Variants in ZNF888 observed in about 807,000 individuals in gnomAD.
ZNF888 encodes the protein CTD-2331H12.6.
A neutral mutation model predicts 7.2 loss-of-function variants in ZNF888; 5 were observed. That is an observed-to-expected ratio of 0.70 (90% CI 0.36 to 1.46). The LOEUF (loss-of-function observed/expected upper bound fraction) is 1.46, where lower values mean the gene tolerates loss of function less well. Ranked by LOEUF, ZNF888 falls within the 40% of genes most tolerant of loss-of-function variation. ZNF888 has a pLI of 0.03. For missense variants in ZNF888, 716 were observed against 858.0 expected (o/e 0.83, Z 2.07); for synonymous variants, 240 against 284.3 (o/e 0.84, Z 1.57).
chr19:52,909,543 G>A (rs1189849347), intron 4 of ZNF888, among the ~76,000 whole-genome samples: 2 of 151,860 alleles, frequency 1.3e-5, no homozygotes, highest in East Asian at 1.9e-4. Flanking sequence ...CACTGCGCCC[G>A]GGGGCACTTT....
chr19:52,907,374 G>A lies in ZNF888; in HGVS notation c.948C>T (p.His316=). Residue 316 remains histidine (H), a synonymous_variant, in exon 5 of 5, where the codon CAC becomes CAT. Coordinates refer to ENST00000638862, the MANE Select transcript of ZNF888 (RefSeq NM_001393938.1). Reference sequence around the variant, plus strand: ...GTTTCTCTCCAGTATGAATTGTCTTGTGAACTAAGAGGGCTGACTTGTCAC... The same window carrying A: ...GTTTCTCTCCAGTATGAATTGTCTTATGAACTAAGAGGGCTGACTTGTCAC... ...TFSDKSALLV[H]KTIHTGEKPY... The A allele has an allele frequency of 1.2e-6, 2 of 1,613,052 alleles. No individual in the cohort carries two copies. The highest frequency in any genetic ancestry group is 1.1e-5 in the South Asian group (1 of 90,942).
intron 4 of ZNF888, among the ~76,000 whole-genome samples, chr19:52,912,362 C>T (rs1028880178): frequency 2.0e-5 from 3 of 151,194 alleles, no homozygotes; most frequent in Admixed American, 2.0e-4. Context: ...ATCCGCCCCC[C>T]TCGGCCTCCC....
At chr19:52,908,886 C>G (rs2064643156) in intron 4 of ZNF888, among the ~76,000 whole-genome samples, 1 of 150,218 alleles carries the variant, frequency 6.7e-6, no homozygotes, top group Non-Finnish European at 1.5e-5. Context: ...GTGGCCCACA[C>G]CAGTAATCCC....
chr19:52,913,479 A>T (rs369199595), intron 4 of ZNF888, among the ~76,000 whole-genome samples: 2 of 151,828 alleles, frequency 1.3e-5, no homozygotes, highest in East Asian at 1.9e-4. Context: ...TGCCCACCAC[A>T]GTGCCTGGCT....
In ZNF888 at chr19:52,923,426, A is replaced by G. The variant is rs955442583; in HGVS notation, c.-235T>C. 3.0e-6 allele frequency: 3 copies of G among 985,040 alleles called. No homozygotes were observed. Among genetic ancestry groups the G allele is most frequent in the African/African-American group, 3.5e-5 (2 of 56,714 alleles). The allele number at this position is 985,040 out of a possible 1,614,324, so 61.0% of individuals were successfully genotyped here. ...GCTTCCTGGTCCGGGCGAATCTACA[A>G]GCACAGGACAGAAGCCAGGCCTCCG... On this transcript the variant is annotated 5_prime_UTR_variant, in exon 1 of 5. Transcript: ENST00000638862.
At chr19:52,916,654 T>C (rs968605183) in intron 3 of ZNF888, among the ~76,000 whole-genome samples, 136 of 139,884 alleles carry the variant, frequency 9.7e-4, no homozygotes, top group Non-Finnish European at 1.4e-3. Context: ...GTTTTAAATA[T>C]ATAAAAAGTA....
intron 4 of ZNF888, among the ~76,000 whole-genome samples, chr19:52,910,739 G>A (rs1344615387): frequency 6.6e-6 from 1 of 152,022 alleles, no homozygotes; most frequent in Non-Finnish European, 1.5e-5. Context: ...CCTTGCTCTT[G>A]GATTTCTCCC....
In ZNF888 at chr19:52,919,602, T is replaced by A. The variant is rs1175534469; in HGVS notation, c.-177-665A>T. Among the ~76,000 whole-genome samples, 4 of 68,736 alleles carry A rather than the reference T, an allele frequency of 5.8e-5. 2 individuals carry two copies. The highest frequency in any genetic ancestry group is 1.4e-4 in the Non-Finnish European group (4 of 28,926). 45.1% of individuals were successfully genotyped at this position (68,736 alleles called of 152,430 possible). A position where few individuals can be genotyped will look rare whatever the true frequency, so the allele number is the denominator to read the frequency against. On this transcript the variant is annotated intron_variant, in intron 1 of 4. Coordinates refer to ENST00000638862, the MANE Select transcript of ZNF888 (RefSeq NM_001393938.1). ...CACCCCATCTGGGAAGTGAGGAGCG[T>A]CTCTGCCTGGCTGCCCAGTCTGGAA...
rs1313167732 is a variant in ZNF888, at chr19:52,919,292, C to T, written c.-177-355G>A. ...GCCTGATTCTCCTGCCTCAGCCTGCCGAGCGCCTGCGATTGCGGGCGCGCG... is the reference window on the plus strand; with the variant it reads ...GCCTGATTCTCCTGCCTCAGCCTGCTGAGCGCCTGCGATTGCGGGCGCGCG... On this transcript the variant is annotated intron_variant, in intron 1 of 4. Transcript: ENST00000638862. 6.8e-5 allele frequency among the ~76,000 whole-genome samples: 4 copies of T among 59,166 alleles called. 1 individual carries two copies. Among genetic ancestry groups the T allele is most frequent in the African/African-American group, 2.1e-4 (4 of 18,940 alleles). The allele number at this position is 59,166 out of a possible 152,430, so 38.8% of individuals were successfully genotyped here.
intron 4 of ZNF888, among the ~76,000 whole-genome samples, chr19:52,911,332 G>C (rs28693789): frequency 0.2 from 29,687 of 145,190 alleles, 3,142 homozygotes; most frequent in Non-Finnish European, 0.23. Flanking sequence ...ATTTCTTTTT[G>C]TTTTCTTTTC....
rs940330949 is a variant in ZNF888 at position 52,906,520 on chromosome 19, G to A, written c.1802C>T (p.Thr601Ile). 4.8e-5 allele frequency: 77 copies of A among 1,613,604 alleles called. No homozygotes were observed. The highest frequency in any genetic ancestry group is 5.8e-5 in the Non-Finnish European group (69 of 1,179,810). ...TTCACATTTGTAAGGTTTCTCTCCA[G>A]TATGAAGTCTATGATGACATGCAAG... ...SQLACHHRLH[T>I]GEKPYKCEEC... The change falls in exon 5 of 5, where the codon ACT (threonine) becomes ATT (isoleucine). Residue 601 changes from threonine to isoleucine, a missense_variant. Physicochemically the swap from Thr to Ile is moderately conservative, Grantham distance 89 (BLOSUM62 -1). Around this residue, in one of 2 missense-constraint regions of ZNF888, gnomAD observed 697 missense variants for 803.4 expected, o/e 0.87. Transcript: ENST00000638862.
At chr19:52,915,097 G>T in intron 4 of ZNF888, 99 bp downstream of exon 4, 1 of 1,505,492 alleles carries the variant, frequency 6.6e-7, no homozygotes. Context: ...AATCAATACA[G>T]CTTCCATTTT....
rs1320357891 is a variant in ZNF888, at chr19:52,906,771, AGTGTGAATTACAGTATGTTGTGCCAG to A, written c.1525_1550del (p.Leu509TrpfsTer8). The A allele has an allele frequency of 6.5e-4, 1,053 of 1,613,932 alleles. 4 individuals are homozygous for A. The highest frequency in any genetic ancestry group is 2.4e-3 in the Admixed American group (145 of 59,998). On this transcript the variant is annotated frameshift_variant, in exon 5 of 5. Transcript: ENST00000638862. LOFTEE classifies it low-confidence loss of function (END_TRUNC). ...CATTACACTTGTAAGGTTTCTCTCC[AGTGTGAATTACAGTATGTTGTGCCAG>A]GTGTGAATCACGTCTGAAAGCCTTG...
Position 52,907,731 on chromosome 19 carries a change from A to G in ZNF888, c.591T>C (p.His197=). 1 of 1,613,546 alleles carries G rather than the reference A, an allele frequency of 6.2e-7. No homozygotes were observed. Among genetic ancestry groups the G allele is most frequent in the Non-Finnish European group, 8.5e-7 (1 of 1,179,782 alleles). Residue 197 remains histidine, a synonymous_variant, in exon 5 of 5, where the codon CAT becomes CAC. Transcript: ENST00000638862. ...CCTGTTTCTGTGTGAGTAATGAAGA[A>G]TGGAAGAAATTATTCCCATAGTTAT... ...ISNNYGNNFF[H]SSLLTQKQDV... is the part of the protein sequence containing the mutation.
At chr19:52,922,784 G>C (rs1180680909) in intron 1 of ZNF888, among the ~76,000 whole-genome samples, 1 of 152,182 alleles carries the variant, frequency 6.6e-6, no homozygotes, top group Non-Finnish European at 1.5e-5. Flanking sequence ...CCAGGGGCTG[G>C]AGCTGGGCAG....
intron 3 of ZNF888, among the ~76,000 whole-genome samples, chr19:52,916,615 C>CAT (rs67843514): frequency 0.017 from 2,264 of 131,338 alleles, 33 homozygotes; most frequent in East Asian, 0.088. Flanking sequence ...TATACATATA[C>CAT]ATATATATAT....
At chr19:52,909,364 C>G (rs10414469) in intron 4 of ZNF888, among the ~76,000 whole-genome samples, 21,168 of 151,392 alleles carry the variant, frequency 0.14, 2,609 homozygotes, top group African/African-American at 0.34. Context: ...TGTCTTGCCT[C>G]AGCCTCTTGA....
Position 52,906,927 on chromosome 19 carries a change from A to C in ZNF888, c.1395T>G (p.Pro465=). The change falls in exon 5 of 5, where the codon CCT becomes CCG. Residue 465 remains proline (P), a synonymous_variant. Coordinates refer to ENST00000638862, the MANE Select transcript of ZNF888 (RefSeq NM_001393938.1). ...RHHRLHTGEK[P]YKCKECDKVF... ...CTTTGTCACATTCTTTACATTTGTA[A>C]GGTTTCTCTCCAGTATGAAGTCTAT... 1 of 1,612,454 alleles carries C rather than the reference A, an allele frequency of 6.2e-7. No individual in the cohort carries two copies. Among genetic ancestry groups the C allele is most frequent in the East Asian group, 2.2e-5 (1 of 44,788 alleles).
At chr19:52,916,609 CATATACATATAT>C (rs1044136061) in intron 3 of ZNF888, among the ~76,000 whole-genome samples, 2 of 59,544 alleles carry the variant, frequency 3.4e-5, no homozygotes, top group African/African-American at 7.9e-5. Context: ...CATACATATA[CATATACATATAT>C]ATATATATAT....
Sources: allele counts gnomAD v4.1 joint callset (sites outside exome capture counted in the v4.1 genomes callset), GRCh38; gene constraint gnomAD v4.1.1; regional missense constraint gnomAD v4.1.1; transcripts MANE v1.5; gene names NCBI Gene and HGNC (gene_info 2026-07-23, HGNC 2026-07-21).